EXT1: variants seen among roughly 807,000 people sequenced by gnomAD.
The protein encoded by EXT1 is exostosin glycosyltransferase 1.
A neutral mutation model predicts 82.5 loss-of-function variants in EXT1; 20 were observed. The observed-to-expected ratio is 0.24, with a 90% CI of 0.17 to 0.35. The LOEUF (loss-of-function observed/expected upper bound fraction) is 0.35. Among genes scored for constraint, EXT1 ranks in the 10% least tolerant of loss-of-function variants. The probability of loss-of-function intolerance (pLI) is 1.00; values close to 1 mark genes in which losing one functional copy is unlikely to be tolerated. For synonymous variants in EXT1, 348 were observed against 350.8 expected, an observed-to-expected ratio of 0.99 and a Z score of 0.09; for missense variants, 757 against 936.5, an observed-to-expected ratio of 0.81 and a Z score of 2.50.
chr8:117,872,836 A>G (rs1812898026), intron 1 of EXT1, among the ~76,000 whole-genome samples: 2 of 152,074 alleles, frequency 1.3e-5, no homozygotes, highest in South Asian at 2.1e-4. Context: ...AAAAAAAAAA[A>G]AAAAGAAAGA....
At chr8:117,876,059 C>T (rs1363229626) in intron 1 of EXT1, among the ~76,000 whole-genome samples, 1 of 152,188 alleles carries the variant, frequency 6.6e-6, no homozygotes, top group Non-Finnish European at 1.5e-5. Context: ...ATAAGAGATG[C>T]CCAATATGTA....
chr8:118,019,960 T>A (rs549509000), intron 1 of EXT1, among the ~76,000 whole-genome samples: 1 of 152,346 alleles, frequency 6.6e-6, no homozygotes, highest in South Asian at 2.1e-4. Context: ...AGCAGTTCAA[T>A]GTGCAAAAGA....
In EXT1 at chr8:117,976,184, A is replaced by G. The variant is rs532952829; in HGVS notation, c.962+133901T>C. On this transcript the variant is annotated intron_variant, in intron 1 of 10. Coordinates refer to ENST00000378204, the MANE Select transcript of EXT1 (RefSeq NM_000127.3). ...ATACACCCAGAAAAGCTTACTATGA[A>G]GCACAATTCTCAGTATGTAAATCTA... 2.6e-5 allele frequency among the ~76,000 whole-genome samples: 4 copies of G among 152,350 alleles called. No individual in the cohort carries two copies. The South Asian group carries it at 8.3e-4, about 32-fold the overall frequency.
At chr8:118,032,886 T>A (rs1019391443) in intron 1 of EXT1, among the ~76,000 whole-genome samples, 2 of 152,200 alleles carry the variant, frequency 1.3e-5, no homozygotes, top group African/African-American at 4.8e-5. Flanking sequence ...GAATCAGGAA[T>A]AAAATTTTCT....
chr8:117,968,771 AG>A (rs1273020691), intron 1 of EXT1, among the ~76,000 whole-genome samples: 1 of 113,230 alleles, frequency 8.8e-6, no homozygotes, highest in Non-Finnish European at 1.6e-5. Flanking sequence ...GGGTTTCACC[AG>A]GTTAGCCAGG....
At chr8:117,890,368 G>C (rs573633414) in intron 1 of EXT1, among the ~76,000 whole-genome samples, 10 of 152,306 alleles carry the variant, frequency 6.6e-5, no homozygotes, top group Non-Finnish European at 1.5e-4. Flanking sequence ...ATGGGTGGGT[G>C]CTTCTGGTAT....
intron 5 of EXT1, 98 bp from the exon 6 acceptor site, chr8:117,819,892 T>G: frequency 9.0e-7 from 1 of 1,112,866 alleles, no homozygotes; most frequent in Non-Finnish European, 1.4e-6. Flanking sequence ...GGAGCAAATG[T>G]TCCCTCCTGG....
At chr8:117,913,657 T>A (rs1488400637) in intron 1 of EXT1, among the ~76,000 whole-genome samples, 2 of 152,182 alleles carry the variant, frequency 1.3e-5, no homozygotes, top group Non-Finnish European at 2.9e-5. Context: ...TCTGGTGGCC[T>A]GCTACTCTCA....
At chr8:117,979,347 CTG>C (rs1259804002) in intron 1 of EXT1, among the ~76,000 whole-genome samples, 1 of 148,096 alleles carries the variant, frequency 6.8e-6, no homozygotes, top group East Asian at 2.0e-4. Context: ...GAGCAAGACT[CTG>C]TCTCAAAAAC....
chr8:117,969,896 G>A lies in EXT1; in HGVS notation c.963-132695C>T, dbSNP rs186475252. 2.6e-5 allele frequency among the ~76,000 whole-genome samples: 4 copies of A among 152,288 alleles called. No homozygotes were observed. The East Asian group carries it at 7.7e-4, about 29-fold the overall frequency. On this transcript the variant is annotated intron_variant, in intron 1 of 10. Coordinates refer to ENST00000378204, the MANE Select transcript of EXT1 (RefSeq NM_000127.3). ...ATATTGAACGTAGGGTCACTGACAG[G>A]ATTGAAATGGATCCAAGTTACCTTG...
At position 118,058,713 on chromosome 8, in the gene EXT1, TTAAA is replaced by T. The variant is rs542778853; in HGVS notation, c.962+51368_962+51371del. Among the ~76,000 whole-genome samples the T allele has an allele frequency of 5.9e-5, 9 of 152,234 alleles. No homozygotes were observed. In the South Asian group the frequency reaches 1.4e-3, roughly 25 times the overall value. ...ATATATGTGCATAACATGATATAGA[TTAAA>T]TAGATTAGGTAAATATAATATAAAC... On this transcript the variant is annotated intron_variant, in intron 1 of 10. Coordinates refer to ENST00000378204, the MANE Select transcript of EXT1 (RefSeq NM_000127.3).
intron 1 of EXT1, among the ~76,000 whole-genome samples, chr8:118,091,803 A>T (rs1817531075): frequency 6.6e-6 from 1 of 152,016 alleles, no homozygotes. Flanking sequence ...ATATATATGT[A>T]TCTTCTAAAC....
intron 1 of EXT1, among the ~76,000 whole-genome samples, chr8:118,056,776 T>C (rs1038852773): frequency 6.6e-6 from 1 of 152,144 alleles, no homozygotes; most frequent in Non-Finnish European, 1.5e-5. Context: ...CAAGGCAAAT[T>C]GTCAAGGAGT....
chr8:117,991,227 C>T (rs1165159942), intron 1 of EXT1, among the ~76,000 whole-genome samples: 1 of 151,994 alleles, frequency 6.6e-6, no homozygotes, highest in East Asian at 1.9e-4. Context: ...TCTTGTGTCT[C>T]AGCCTCCCAA....
chr8:117,984,790 G>A (rs533290792), intron 1 of EXT1, among the ~76,000 whole-genome samples: 1 of 152,192 alleles, frequency 6.6e-6, no homozygotes, highest in East Asian at 1.9e-4. Context: ...GACAGGATTT[G>A]AAAGAGTCTC....
intron 4 of EXT1, among the ~76,000 whole-genome samples, chr8:117,826,276 A>ACCT (rs1812007172): frequency 2.6e-5 from 4 of 152,166 alleles, no homozygotes; most frequent in Non-Finnish European, 5.9e-5. Flanking sequence ...AACTGAGTCT[A>ACCT]AGCACTCTAC....
chr8:117,814,234 G>GGTGTGTGT lies in EXT1; in HGVS notation c.1633-1281_1633-1274dup, dbSNP rs57727618. Among the ~76,000 whole-genome samples the GGTGTGTGT allele has an allele frequency of 7.2e-3, 1,060 of 146,660 alleles. 8 individuals carry two copies. The highest frequency in any genetic ancestry group is 0.021 in the Middle Eastern group (6 of 284). On this transcript the variant is annotated intron_variant, in intron 7 of 10. Transcript: ENST00000378204. ...GGTGGACTACGTGTGCACACACAGT[G>GGTGTGTGT]GTGTGTGTGTGTGTGTGTGTGTGTG...
At chr8:118,046,246 CTG>C (rs977548438) in intron 1 of EXT1, among the ~76,000 whole-genome samples, 41 of 152,036 alleles carry the variant, frequency 2.7e-4, no homozygotes, top group African/African-American at 9.7e-4. Context: ...ATTCTTGACT[CTG>C]TCAATTTAAG....
chr8:118,039,632 G>A (rs17505471), intron 1 of EXT1, among the ~76,000 whole-genome samples: 2,974 of 150,742 alleles, frequency 0.02, 98 homozygotes, highest in African/African-American at 0.068. Context: ...CTATCAACAT[G>A]CCAGAAGAGT....
Sources: gnomAD v4.1 joint callset for allele counts (sites outside exome capture counted in the v4.1 genomes callset) on GRCh38, gnomAD v4.1.1 for gene constraint, MANE v1.5 for transcripts, NCBI Gene and HGNC (gene_info 2026-07-23, HGNC 2026-07-21) for gene names.